Variants in ENOX2 observed in about 807,000 individuals in gnomAD.
The protein encoded by ENOX2 is ecto-NOX disulfide-thiol exchanger 2.
A neutral mutation model predicts 45.0 loss-of-function variants in ENOX2; 36 were observed. The observed-to-expected ratio is 0.80, with a 90% confidence interval of 0.61 to 1.06. The LOEUF is 1.06. Ranked by LOEUF, ENOX2 falls within the 50% of genes least tolerant of loss-of-function variation. The pLI is 0.00. For missense variants in ENOX2, 423 were observed against 462.5 expected, an observed-to-expected ratio of 0.91 and a Z score of 0.78; for synonymous variants, 174 against 152.3, an observed-to-expected ratio of 1.14 and a Z score of -1.05.
At chrX:130,704,828 TAC>T (rs1188863809) in intron 3 of ENOX2, among the ~76,000 whole-genome samples, 1 of 112,353 alleles carries the variant, frequency 8.9e-6, no homozygotes, top group African/African-American at 3.2e-5. Context: ...GTTCATTAAT[TAC>T]AGTCAGAAGT....
intron 14 of ENOX2, among the ~76,000 whole-genome samples, chrX:130,627,296 T>C (rs1169741036): frequency 2.7e-5 from 3 of 111,883 alleles, no homozygotes; most frequent in African/African-American, 9.8e-5. Flanking sequence ...AAAAGTTTGA[T>C]GGGGCCGGGT....
chrX:130,835,208 G>C (rs1462793355), intron 2 of ENOX2, among the ~76,000 whole-genome samples: 6 of 111,377 alleles, frequency 5.4e-5, no homozygotes, highest in South Asian at 3.8e-4. Context: ...GGGAGGCGGT[G>C]GGGGGTGGAA....
At chrX:130,894,289 G>A (rs1190287149) in intron 2 of ENOX2, among the ~76,000 whole-genome samples, 11 of 108,657 alleles carry the variant, frequency 1.0e-4, no homozygotes. Context: ...CTTGACCATG[G>A]CACATGTATA....
At chrX:130,791,871 G>A (rs759138645) in intron 2 of ENOX2, among the ~76,000 whole-genome samples, 7 of 111,897 alleles carry the variant, frequency 6.3e-5, no homozygotes, top group East Asian at 2.8e-4. Flanking sequence ...GACCAAGACC[G>A]TTACCTGAGA....
chrX:130,834,985 A>G (rs1416050943), intron 2 of ENOX2, among the ~76,000 whole-genome samples: 2 of 111,646 alleles, frequency 1.8e-5, no homozygotes, highest in Non-Finnish European at 1.9e-5. Flanking sequence ...TATAGTTTAT[A>G]AAACCATCCC....
chrX:130,877,789 G>A (rs2078734647), intron 2 of ENOX2, among the ~76,000 whole-genome samples: 1 of 112,031 alleles, frequency 8.9e-6, no homozygotes, highest in Admixed American at 9.5e-5. Flanking sequence ...GCAAGGGGCA[G>A]TTTACTATCC....
chrX:130,737,446 G>A (rs1049615276), intron 3 of ENOX2, among the ~76,000 whole-genome samples: 36 of 110,063 alleles, frequency 3.3e-4, no homozygotes, highest in East Asian at 1.4e-3. Flanking sequence ...TATTGCATGC[G>A]CGTGCGCACG....
At position 130,790,124 on chromosome X, in the gene ENOX2, G is replaced by C. The variant is rs539837208; in HGVS notation, c.-182-6434C>G. Reference sequence around the variant, plus strand: ...ATTCTAACTGGTTTAGCTGAAGCAAGGGTAATTGTATGAGTTACAAATAAT... The same window carrying C: ...ATTCTAACTGGTTTAGCTGAAGCAACGGTAATTGTATGAGTTACAAATAAT... On this transcript the variant is annotated intron_variant, in intron 2 of 14. Transcript: ENST00000394363. 7.1e-5 allele frequency among the ~76,000 whole-genome samples: 8 copies of C among 112,838 alleles called. 1 individual carries two copies. In the Admixed American group the frequency reaches 7.5e-4, roughly 11 times the overall value.
intron 2 of ENOX2, among the ~76,000 whole-genome samples, chrX:130,823,576 G>A (rs1281449375): frequency 1.8e-5 from 2 of 111,529 alleles, no homozygotes; most frequent in Admixed American, 9.5e-5. Flanking sequence ...TTGACCAAGA[G>A]TCACATATTT....
chrX:130,632,068 C>A (rs1344854852), intron 12 of ENOX2, among the ~76,000 whole-genome samples: 1 of 110,824 alleles, frequency 9.0e-6, no homozygotes, highest in Non-Finnish European at 1.9e-5. Context: ...ATGGTAAGTC[C>A]CATCTCAATG....
At chrX:130,797,637 A>G (rs1159099674) in intron 2 of ENOX2, among the ~76,000 whole-genome samples, 1 of 111,788 alleles carries the variant, frequency 8.9e-6, no homozygotes, top group African/African-American at 3.3e-5. Flanking sequence ...AGAAAATGGA[A>G]GAGCAGGTGA....
intron 3 of ENOX2, among the ~76,000 whole-genome samples, chrX:130,764,925 G>T (rs1045867347): frequency 9.0e-6 from 1 of 111,257 alleles, no homozygotes; most frequent in Non-Finnish European, 1.9e-5. Context: ...TTAGTCATTT[G>T]GGGTGATCTC....
At chrX:130,743,787 G>A (rs2039039432) in intron 3 of ENOX2, among the ~76,000 whole-genome samples, 1 of 111,159 alleles carries the variant, frequency 9.0e-6, no homozygotes, top group Non-Finnish European at 1.9e-5. Flanking sequence ...ACCCCTGTGA[G>A]GGAAATTTTG....
chrX:130,623,738 G>C lies in ENOX2; in HGVS notation c.*1576C>G, dbSNP rs183290467. On this transcript the variant is annotated 3_prime_UTR_variant, in exon 15 of 15. Coordinates refer to ENST00000394363, the MANE Select transcript of ENOX2 (RefSeq NM_006375.4). ...GTGCCACAGCAGGGTGCTTCAGGGG[G>C]AAGCCAGTTTTCAGCACGAATGGGC... 15 of 111,288 alleles carry C rather than the reference G, an allele frequency of 1.3e-4. No individual in the cohort carries two copies. Among genetic ancestry groups the C allele is most frequent in the Admixed American group, 1.2e-3 (13 of 10,437 alleles). 9.2% of individuals were successfully genotyped at this position (111,288 alleles called of 1,213,427 possible). A position where few individuals can be genotyped will look rare whatever the true frequency, so the allele number is the denominator to read the frequency against.
At position 130,628,011 on chromosome X, in the gene ENOX2, A is replaced by G; in HGVS notation, c.1561T>C (p.Phe521Leu). The change falls in exon 14 of 15, where the codon TTT becomes CTT. Residue 521 changes from phenylalanine (F) to leucine (L), a missense_variant. Coordinates refer to ENST00000394363, the MANE Select transcript of ENOX2 (RefSeq NM_006375.4). Reference protein sequence around the residue: ...IISTFLHVHPFGASIEYICSY... With the variant: ...IISTFLHVHPLGASIEYICSY... ...CAGATGTATTCAATGCTTGCTCCAAATGGGTGAACATGAAGGAATGTGGAG... is the reference window on the plus strand; with the variant it reads ...CAGATGTATTCAATGCTTGCTCCAAGTGGGTGAACATGAAGGAATGTGGAG... 8.3e-7 allele frequency: 1 copy of G among 1,202,653 alleles called. No individual in the cohort carries two copies. Among genetic ancestry groups the G allele is most frequent in the Non-Finnish European group, 1.1e-6 (1 of 887,194 alleles).
At chrX:130,729,126 T>C (rs773495122) in intron 3 of ENOX2, among the ~76,000 whole-genome samples, 4 of 111,708 alleles carry the variant, frequency 3.6e-5, no homozygotes, top group East Asian at 2.8e-4. Flanking sequence ...ATGACCAATA[T>C]TGTACTCAAT....
chrX:130,822,632 TA>T (rs1439453381), intron 2 of ENOX2, among the ~76,000 whole-genome samples: 6 of 106,391 alleles, frequency 5.6e-5, no homozygotes, highest in African/African-American at 2.1e-4. Context: ...TGTTGTGGGG[TA>T]GGGGGAGGGG....
At chrX:130,847,921 A>C (rs2078138678) in intron 2 of ENOX2, among the ~76,000 whole-genome samples, 1 of 112,103 alleles carries the variant, frequency 8.9e-6, no homozygotes, top group Non-Finnish European at 1.9e-5. Context: ...CAAATTATCT[A>C]ATAACCCCAG....
intron 10 of ENOX2, among the ~76,000 whole-genome samples, chrX:130,655,140 C>T (rs1259692986): frequency 1.8e-5 from 2 of 112,290 alleles, no homozygotes; most frequent in Non-Finnish European, 3.8e-5. Flanking sequence ...TCTTATTCAA[C>T]TCTGTGTTTA....
Sources: gnomAD v4.1 joint callset for allele counts (sites outside exome capture counted in the v4.1 genomes callset) on GRCh38, gnomAD v4.1.1 for gene constraint, MANE v1.5 for transcripts, NCBI Gene and HGNC (gene_info 2026-07-23, HGNC 2026-07-21) for gene names.